The following FAM171A1 variants were observed in gnomAD, a reference collection of about 807,000 sequenced individuals.
FAM171A1 encodes the protein protein FAM171A1.
Under a neutral mutation model 74.9 loss-of-function variants are expected in FAM171A1, and 23 were observed. The ratio of observed to expected loss-of-function variants is 0.31; its 90% CI spans 0.22 to 0.44. The LOEUF (loss-of-function observed/expected upper bound fraction) is 0.44. Among genes scored for constraint, FAM171A1 ranks in the 20% least tolerant of loss-of-function variants. The pLI, the probability that FAM171A1 is intolerant of heterozygous loss-of-function variation, is 1.00. For missense variants in FAM171A1, 1,162 were observed against 1,159.2 expected (o/e 1.00, Z -0.03); for synonymous variants, 527 against 505.7 (o/e 1.04, Z -0.57).
chr10:15,360,926 C>T (rs1449350738), intron 1 of FAM171A1, among the ~76,000 whole-genome samples: 1 of 152,040 alleles, frequency 6.6e-6, no homozygotes, highest in Non-Finnish European at 1.5e-5. Flanking sequence ...AGTATTTTTC[C>T]CATGGATTAA....
upstream of FAM171A1, among the ~76,000 whole-genome samples, chr10:15,372,979 T>C (rs537737484): frequency 6.6e-6 from 1 of 152,240 alleles, no homozygotes; most frequent in African/African-American, 2.4e-5. Flanking sequence ...CCCACACTGC[T>C]TCCAGAACAC....
intron 1 of FAM171A1, among the ~76,000 whole-genome samples, chr10:15,325,458 C>T (rs1049828197): frequency 6.6e-6 from 1 of 152,116 alleles, no homozygotes; most frequent in Admixed American, 6.6e-5. Context: ...CGGTGAGCTA[C>T]GATGGAGCCA....
rs150056879 is a variant in FAM171A1, at chr10:15,294,343, T to C, written c.98-10238A>G. ...GCACCTTCCTTCTCAGTACCCACCA[T>C]GGGCTCCAGTTCTGTCTGCCTGCCC... On this transcript the variant is annotated intron_variant, in intron 1 of 7. Coordinates refer to ENST00000378116, the MANE Select transcript of FAM171A1 (RefSeq NM_001010924.2). Among the ~76,000 whole-genome samples the C allele has an allele frequency of 3.4e-4, 52 of 152,304 alleles. No individual in the cohort carries two copies. In the East Asian group the frequency reaches 9.6e-3, roughly 28 times the overall value.
intron 1 of FAM171A1, among the ~76,000 whole-genome samples, chr10:15,313,163 CACGGTTCCTCCTCCGTGGAAACACACT>C (rs1321636484): frequency 1.3e-5 from 2 of 152,138 alleles, no homozygotes; most frequent in Non-Finnish European, 2.9e-5. Flanking sequence ...TGGATGGGAG[CACGGTTCCTCCTCCGTGGAAACACACT>C]GGGAATTCCT....
chr10:15,221,043 C>T lies in FAM171A1; in HGVS notation c.772G>A (p.Gly258Ser), dbSNP rs146109085. Reference protein sequence around the residue: ...DQKLGTWLKSGLGLVHQEGSQ... With the variant: ...DQKLGTWLKSSLGLVHQEGSQ... ...CCTTCCTGGTGCACAAGACCCAGAC[C>T]GCTCTTCAGCCACGTTCCTGTGGAA... Residue 258 changes from glycine (G) to serine (S), a missense_variant, in exon 6 of 8, where the codon GGT becomes AGT. Gly to Ser is a moderately conservative substitution (Grantham distance 56, BLOSUM62 0). Coordinates refer to ENST00000378116, the MANE Select transcript of FAM171A1 (RefSeq NM_001010924.2). 2.5e-5 allele frequency: 41 copies of T among 1,613,926 alleles called. No individual in the cohort carries two copies. Among genetic ancestry groups the T allele is most frequent in the Non-Finnish European group, 3.0e-5 (35 of 1,179,990 alleles).
At chr10:15,248,335 A>G (rs556541380) in intron 5 of FAM171A1, among the ~76,000 whole-genome samples, 2 of 152,346 alleles carry the variant, frequency 1.3e-5, no homozygotes, top group South Asian at 4.2e-4. Context: ...TCTGATGAAT[A>G]AAAGGATGAA....
chr10:15,360,335 T>C (rs1055580706), intron 1 of FAM171A1, among the ~76,000 whole-genome samples: 1 of 152,212 alleles, frequency 6.6e-6, no homozygotes, highest in African/African-American at 2.4e-5. Context: ...GAGACAATAA[T>C]GGGTGGCTAA....
intron 1 of FAM171A1, among the ~76,000 whole-genome samples, chr10:15,370,308 G>A (rs1246862149): frequency 6.9e-6 from 1 of 145,630 alleles, no homozygotes; most frequent in Non-Finnish European, 1.5e-5. Flanking sequence ...CCCTTACAGA[G>A]AAGACTCATG....
At chr10:15,312,671 GTGTTTTTTTTTTTTTTT>G (rs1835374624) in intron 1 of FAM171A1, among the ~76,000 whole-genome samples, 2 of 51,882 alleles carry the variant, frequency 3.9e-5, no homozygotes, top group African/African-American at 1.5e-4. Context: ...TCAGCACTGT[GTGTTTTTTTTTTTTTTT>G]TTTTTTTTTT....
intron 1 of FAM171A1, among the ~76,000 whole-genome samples, chr10:15,335,607 T>C (rs962943681): frequency 3.9e-5 from 6 of 152,214 alleles, no homozygotes; most frequent in Non-Finnish European, 5.9e-5. Flanking sequence ...TATTTAGCAA[T>C]AATGTCGAGA....
intron 5 of FAM171A1, among the ~76,000 whole-genome samples, chr10:15,243,951 C>T (rs1439920849): frequency 6.6e-6 from 1 of 152,114 alleles, no homozygotes; most frequent in Non-Finnish European, 1.5e-5. Flanking sequence ...GAGGTTTCAC[C>T]GTGTTAGCCA....
intron 1 of FAM171A1, among the ~76,000 whole-genome samples, chr10:15,334,456 T>A (rs1268959978): frequency 1.3e-5 from 2 of 152,242 alleles, no homozygotes; most frequent in East Asian, 3.8e-4. Context: ...CTTTTGTTTA[T>A]AATCTGCAGG....
intron 1 of FAM171A1, among the ~76,000 whole-genome samples, chr10:15,294,738 G>C (rs1190614377): frequency 2.0e-5 from 3 of 152,214 alleles, no homozygotes; most frequent in African/African-American, 4.8e-5. Context: ...CGACAAGGCT[G>C]TTTCCAATTG....
chr10:15,360,381 T>C (rs971698434), intron 1 of FAM171A1, among the ~76,000 whole-genome samples: 2 of 152,248 alleles, frequency 1.3e-5, no homozygotes, highest in African/African-American at 4.8e-5. Context: ...AAGGTAGAAA[T>C]GGAAAACTAA....
chr10:15,213,066 T>C lies in FAM171A1; in HGVS notation c.2522A>G (p.Asp841Gly). 1.2e-6 allele frequency: 2 copies of C among 1,613,738 alleles called. No homozygotes were observed. The highest frequency in any genetic ancestry group is 1.7e-6 in the Non-Finnish European group (2 of 1,179,892). The change falls in exon 8 of 8, where the codon GAT becomes GGT. Residue 841 changes from aspartate to glycine, a missense_variant. Coordinates refer to ENST00000378116, the MANE Select transcript of FAM171A1 (RefSeq NM_001010924.2). The surrounding 1 kb of genome is among the most constrained non-coding windows in gnomAD (Gnocchi z 6.8). ...GCTGGCTGCTGGCTCCGAGGGGGCA[T>C]CCGCAGTCCGTCTGGTCGTCTCCTC... ...LQEETTRRTA[D>G]APSEPAASPH...
In FAM171A1 at chr10:15,321,267, A is replaced by T. The variant is rs528559682; in HGVS notation, c.98-37162T>A. On this transcript the variant is annotated intron_variant, in intron 1 of 7. Coordinates refer to ENST00000378116, the MANE Select transcript of FAM171A1 (RefSeq NM_001010924.2). Reference sequence around the variant, plus strand: ...GTTTAGGTAAGCGCAAGTTAACTGGAAAGTCCAGTAGACCCTGGGCCTTGA... The same window carrying T: ...GTTTAGGTAAGCGCAAGTTAACTGGTAAGTCCAGTAGACCCTGGGCCTTGA... 1.6e-4 allele frequency among the ~76,000 whole-genome samples: 24 copies of T among 152,316 alleles called. 2 individuals carry two copies. In the South Asian group the frequency reaches 5.0e-3, roughly 32 times the overall value.
rs1464341360 is a variant in FAM171A1 at position 15,289,446 on chromosome 10, A to G, written c.98-5341T>C. Among the ~76,000 whole-genome samples, 7 of 152,172 alleles carry G rather than the reference A, an allele frequency of 4.6e-5. No homozygotes were observed. In the East Asian group the frequency reaches 1.2e-3, roughly 25 times the overall value. ...TCACTCCATACCCTGCACATCCATC[A>G]CCAAAGTCTGCTCATTTTGACTGCA... On this transcript the variant is annotated intron_variant, in intron 1 of 7. Coordinates refer to ENST00000378116, the MANE Select transcript of FAM171A1 (RefSeq NM_001010924.2).
At chr10:15,240,771 T>C (rs188307733) in intron 5 of FAM171A1, 2 of 983,762 alleles carry the variant, frequency 2.0e-6, no homozygotes, top group East Asian at 2.3e-4. Flanking sequence ...GGGTGGTGGC[T>C]CACAGTCGTT....
intron 3 of FAM171A1, among the ~76,000 whole-genome samples, chr10:15,267,758 G>C (rs1275785477): frequency 6.6e-6 from 1 of 152,176 alleles, no homozygotes; most frequent in African/African-American, 2.4e-5. Context: ...GAAGTGTCCA[G>C]CTGTCAGGGC....
Sources: gnomAD v4.1 joint callset for allele counts (sites outside exome capture counted in the v4.1 genomes callset) on GRCh38, gnomAD v4.1.1 for gene constraint, Gnocchi (gnomAD v3.1) non-coding constraint, MANE v1.5 for transcripts, NCBI Gene and HGNC (gene_info 2026-07-23, HGNC 2026-07-21) for gene names.